The following SPOCK1 variants were observed in gnomAD, a reference collection of about 807,000 sequenced individuals.
The protein encoded by SPOCK1 is SPARC (osteonectin), cwcv and kazal like domains proteoglycan 1.
In SPOCK1, 23 loss-of-function variants were observed where a neutral mutation model predicts 55.3. That is an observed-to-expected ratio of 0.42 (90% CI 0.30 to 0.59). The LOEUF is 0.59. Among genes scored for constraint, SPOCK1 ranks in the 20% least tolerant of loss-of-function variants. SPOCK1 has a pLI of 0.22. For synonymous variants in SPOCK1, 226 were observed against 221.0 expected, an observed-to-expected ratio of 1.02 and a Z score of -0.20; for missense variants, 499 against 552.5, an observed-to-expected ratio of 0.90 and a Z score of 0.97.
intron 3 of SPOCK1, among the ~76,000 whole-genome samples, chr5:137,175,938 T>C (rs1754843214): frequency 6.6e-6 from 1 of 152,108 alleles, no homozygotes; most frequent in East Asian, 1.9e-4. Context: ...ACAATAAAAA[T>C]TTATCTGCAA....
rs185228962 is a variant in SPOCK1 at position 137,449,655 on chromosome 5, G to A, written c.186+48718C>T. Among the ~76,000 whole-genome samples the A allele has an allele frequency of 9.3e-4, 142 of 152,262 alleles. 2 individuals carry two copies. In the East Asian group the frequency reaches 0.021, roughly 23 times the overall value. Reference sequence around the variant, plus strand: ...TGTAATCCCTGTACTTACGGAGGCCGAAGTAGGAGGATGGCTTGAGCCCAG... The same window carrying A: ...TGTAATCCCTGTACTTACGGAGGCCAAAGTAGGAGGATGGCTTGAGCCCAG... On this transcript the variant is annotated intron_variant, in intron 2 of 10. Transcript: ENST00000394945.
intron 6 of SPOCK1, among the ~76,000 whole-genome samples, chr5:137,033,002 G>C (rs1466032873): frequency 6.6e-6 from 1 of 152,200 alleles, no homozygotes; most frequent in African/African-American, 2.4e-5. Context: ...GCTAAATCAG[G>C]AAGAAGTGGG....
chr5:137,157,607 G>T (rs1170510075), intron 3 of SPOCK1, among the ~76,000 whole-genome samples: 1 of 152,168 alleles, frequency 6.6e-6, no homozygotes, highest in African/African-American at 2.4e-5. Flanking sequence ...AAGTGAGGAA[G>T]GCTTCTACAT....
At chr5:137,362,097 A>C (rs1484853986) in intron 2 of SPOCK1, among the ~76,000 whole-genome samples, 1 of 152,174 alleles carries the variant, frequency 6.6e-6, no homozygotes, top group African/African-American at 2.4e-5. Context: ...CTGGGAAGGA[A>C]TTCCACCCAA....
intron 2 of SPOCK1, among the ~76,000 whole-genome samples, chr5:137,287,498 C>T (rs1757292145): frequency 6.6e-6 from 1 of 152,222 alleles, no homozygotes; most frequent in African/African-American, 2.4e-5. Flanking sequence ...TCAGAATCGT[C>T]TCCCTGAGAT....
chr5:137,055,884 G>C lies in SPOCK1; in HGVS notation c.589+11831C>G, dbSNP rs115883364. ...AGCAGTTACCTGTTAGCCTGAGGTC[G>C]TGCCCCAGAATGACCCATGTAGGGA... On this transcript the variant is annotated intron_variant, in intron 6 of 10. Coordinates refer to ENST00000394945, the MANE Select transcript of SPOCK1 (RefSeq NM_004598.4). Among the ~76,000 whole-genome samples, 5 of 152,112 alleles carry C rather than the reference G, an allele frequency of 3.3e-5. No individual in the cohort carries two copies. In the East Asian group the frequency reaches 7.7e-4, roughly 24 times the overall value.
chr5:137,026,270 G>C (rs183748829), intron 6 of SPOCK1, among the ~76,000 whole-genome samples: 41 of 152,332 alleles, frequency 2.7e-4, no homozygotes, highest in African/African-American at 7.7e-4. Context: ...ATGTGGCTAG[G>C]CCACAGTATC....
At chr5:137,405,399 G>A (rs982602800) in intron 2 of SPOCK1, among the ~76,000 whole-genome samples, 1 of 152,134 alleles carries the variant, frequency 6.6e-6, no homozygotes, top group Non-Finnish European at 1.5e-5. Flanking sequence ...CACTTCCTGG[G>A]AGAAGGGCCA....
At chr5:137,115,644 C>G (rs145216390) in intron 4 of SPOCK1, among the ~76,000 whole-genome samples, 1 of 152,294 alleles carries the variant, frequency 6.6e-6, no homozygotes, top group East Asian at 1.9e-4. Flanking sequence ...GCAAGCCATT[C>G]TGAATGCTCT....
intron 2 of SPOCK1, among the ~76,000 whole-genome samples, chr5:137,488,533 T>C (rs778484163): frequency 7.9e-5 from 12 of 152,202 alleles, no homozygotes; most frequent in Non-Finnish European, 1.6e-4. Context: ...GATATTAGTC[T>C]GAGAATGCCA....
intron 2 of SPOCK1, among the ~76,000 whole-genome samples, chr5:137,305,722 A>G (rs900041679): frequency 4.6e-5 from 7 of 151,932 alleles, no homozygotes; most frequent in Admixed American, 2.0e-4. Context: ...ACCCAGCTCA[A>G]CTCCAGTTCC....
At chr5:137,224,097 C>G (rs781419636) in intron 3 of SPOCK1, among the ~76,000 whole-genome samples, 1 of 152,198 alleles carries the variant, frequency 6.6e-6, no homozygotes, top group Non-Finnish European at 1.5e-5. Context: ...GAGGCTGGTT[C>G]TTTGGAAAGA....
At chr5:137,249,613 GAA>G (rs1756467979) in intron 3 of SPOCK1, among the ~76,000 whole-genome samples, 1 of 152,164 alleles carries the variant, frequency 6.6e-6, no homozygotes, top group African/African-American at 2.4e-5. Flanking sequence ...AGCAACAAGA[GAA>G]AGAGTTTTAC....
intron 2 of SPOCK1, among the ~76,000 whole-genome samples, chr5:137,324,117 C>A (rs1019350516): frequency 6.6e-6 from 1 of 152,110 alleles, no homozygotes; most frequent in Non-Finnish European, 1.5e-5. Context: ...ATGTGGTGTA[C>A]AAATACACAA....
chr5:137,223,344 A>G (rs1580815032), intron 3 of SPOCK1, among the ~76,000 whole-genome samples: 1 of 152,124 alleles, frequency 6.6e-6, no homozygotes, highest in East Asian at 1.9e-4. Context: ...ACAATGAAAC[A>G]ACAGGTGTAG....
At chr5:137,059,823 T>C (rs1752362646) in intron 6 of SPOCK1, among the ~76,000 whole-genome samples, 1 of 152,134 alleles carries the variant, frequency 6.6e-6, no homozygotes, top group Non-Finnish European at 1.5e-5. Flanking sequence ...AGAAAACATA[T>C]ACATGGCCAA....
chr5:137,480,797 A>G (rs1203129818), intron 2 of SPOCK1, among the ~76,000 whole-genome samples: 1 of 152,166 alleles, frequency 6.6e-6, no homozygotes, highest in East Asian at 1.9e-4. Flanking sequence ...TTTAACCAGG[A>G]GAGGCAAATA....
chr5:137,230,942 T>C (rs963419824), intron 3 of SPOCK1, among the ~76,000 whole-genome samples: 2 of 151,418 alleles, frequency 1.3e-5, no homozygotes, highest in East Asian at 1.9e-4. Context: ...TGTGTGTATG[T>C]ATGCCTAGTT....
chr5:137,148,363 G>A (rs1280160623), intron 3 of SPOCK1, among the ~76,000 whole-genome samples: 1 of 152,152 alleles, frequency 6.6e-6, no homozygotes, highest in East Asian at 1.9e-4. Flanking sequence ...GGCGTTAAGA[G>A]GGGTCTGCCA....
Sources: gnomAD v4.1 joint callset for allele counts (sites outside exome capture counted in the v4.1 genomes callset) on GRCh38, gnomAD v4.1.1 for gene constraint, MANE v1.5 for transcripts, NCBI Gene and HGNC (gene_info 2026-07-23, HGNC 2026-07-21) for gene names.